Variants in UBE2D3 observed in about 807,000 individuals in gnomAD.
UBE2D3 encodes ubiquitin conjugating enzyme E2 D3, also known as ubiquitin-conjugating enzyme E2 D3.
UBE2D3 carries 2 observed loss-of-function variants against 22.8 expected under a neutral mutation model. The observed-to-expected ratio is 0.09, with a 90% CI of 0.04 to 0.28. The LOEUF is 0.28. Among genes scored for constraint, UBE2D3 ranks in the 10% least tolerant of loss-of-function variants. The pLI, the probability that UBE2D3 is intolerant of heterozygous loss-of-function variation, is 1.00. For missense variants in UBE2D3, 27 were observed against 182.5 expected, an observed-to-expected ratio of 0.15 and a Z score of 4.91; for synonymous variants, 56 against 60.4, an observed-to-expected ratio of 0.93 and a Z score of 0.34.
chr4:102,801,719 GCCT>G, intron 5 of UBE2D3, 160 bp from the exon 6 acceptor site: 8 of 485,358 alleles, frequency 1.6e-5, no homozygotes, highest in South Asian at 3.1e-5. Context: ...ACAACCCCCT[GCCT>G]CCTCTTTTTA....
At chr4:102,854,421 G>A (rs781309666) in intron 1 of UBE2D3, among the ~76,000 whole-genome samples, 23 of 152,066 alleles carry the variant, frequency 1.5e-4, no homozygotes, top group Non-Finnish European at 3.1e-4. Flanking sequence ...TGAAGTCTCT[G>A]TGATACTGGA....
chr4:102,849,063 A>G (rs947893684), intron 1 of UBE2D3, among the ~76,000 whole-genome samples: 12 of 151,816 alleles, frequency 7.9e-5, no homozygotes, highest in Non-Finnish European at 1.6e-4. Context: ...GAAATAGAGG[A>G]CAGATTAAAA....
chr4:102,851,640 C>A (rs79227630), intron 1 of UBE2D3, among the ~76,000 whole-genome samples: 1 of 150,574 alleles, frequency 6.6e-6, no homozygotes, highest in African/African-American at 2.5e-5. Flanking sequence ...AATATTAGAA[C>A]CCCCATTTTT....
intron 1 of UBE2D3, among the ~76,000 whole-genome samples, chr4:102,863,784 G>A (rs934623637): frequency 5.9e-5 from 9 of 152,166 alleles, no homozygotes; most frequent in African/African-American, 1.7e-4. Context: ...GTGGGTCACC[G>A]TGCCCAGCTG....
At chr4:102,857,023 A>T (rs1732653412) in intron 1 of UBE2D3, among the ~76,000 whole-genome samples, 1 of 152,214 alleles carries the variant, frequency 6.6e-6, no homozygotes, top group African/African-American at 2.4e-5. Flanking sequence ...TATACAGCAC[A>T]GAGTGACCCC....
chr4:102,809,217 T>C (rs1433288308), intron 4 of UBE2D3: 5 of 278,668 alleles, frequency 1.8e-5, no homozygotes, highest in Non-Finnish European at 3.9e-5. Context: ...TGCCTAAATA[T>C]ATTCAAATTT....
chr4:102,854,087 C>T (rs1732515694), intron 1 of UBE2D3, among the ~76,000 whole-genome samples: 1 of 152,054 alleles, frequency 6.6e-6, no homozygotes, highest in African/African-American at 2.4e-5. Flanking sequence ...ATTTATTATT[C>T]TCTGAATTCA....
At chr4:102,844,895 G>T (rs572853649) in intron 1 of UBE2D3, among the ~76,000 whole-genome samples, 1 of 152,032 alleles carries the variant, frequency 6.6e-6, no homozygotes, top group East Asian at 1.9e-4. Flanking sequence ...GGTGGTGGGC[G>T]CCTGTAGTCC....
chr4:102,795,259 TA>T lies in UBE2D3; in HGVS notation c.*2155del, dbSNP rs1023006524. 12 of 152,054 alleles carry T rather than the reference TA, an allele frequency of 7.9e-5. No individual in the cohort carries two copies. Among genetic ancestry groups the T allele is most frequent in the African/African-American group, 2.9e-4 (12 of 41,446 alleles). The allele number at this position is 152,054 out of a possible 1,614,324, so 9.4% of individuals were successfully genotyped here. On this transcript the variant is annotated 3_prime_UTR_variant, in exon 8 of 8. Transcript: ENST00000453744. ...AATACCTAAGGGTTGTCTAAGGCTA[TA>T]AAGGTCAATTTGAAAGCCAGTTAGG...
At chr4:102,825,055 T>G (rs1730238519) in intron 2 of UBE2D3, among the ~76,000 whole-genome samples, 1 of 152,226 alleles carries the variant, frequency 6.6e-6, no homozygotes, top group Admixed American at 6.5e-5. Context: ...CAATACATAC[T>G]AAGAGTGAAG....
At chr4:102,825,128 T>C in intron 2 of UBE2D3, 1 of 500,728 alleles carries the variant, frequency 2.0e-6, no homozygotes, top group Non-Finnish European at 2.6e-6. Flanking sequence ...CATAATTAAA[T>C]ACAGGCAAAT....
At chr4:102,821,537 T>C (rs573750361) in intron 2 of UBE2D3, among the ~76,000 whole-genome samples, 12 of 152,252 alleles carry the variant, frequency 7.9e-5, no homozygotes, top group African/African-American at 2.9e-4. Flanking sequence ...CAGAATCACC[T>C]AGAAAATTTT....
intron 2 of UBE2D3, among the ~76,000 whole-genome samples, chr4:102,823,315 T>A (rs1191089732): frequency 6.6e-6 from 1 of 152,182 alleles, no homozygotes; most frequent in East Asian, 1.9e-4. Flanking sequence ...CTTCTTAACC[T>A]CTATGCCTAA....
At chr4:102,853,135 A>ATCTTTTTTTT (rs386626793) in intron 1 of UBE2D3, among the ~76,000 whole-genome samples, 3,637 of 88,418 alleles carry the variant, frequency 0.041, 785 homozygotes, top group African/African-American at 0.074. Flanking sequence ...AAACACACAC[A>ATCTTTTTTTT]TTTTTTTTTT....
chr4:102,848,658 AAAAT>A (rs780710581), intron 1 of UBE2D3, among the ~76,000 whole-genome samples: 48 of 152,122 alleles, frequency 3.2e-4, no homozygotes, highest in Non-Finnish European at 6.0e-4. Context: ...AAATGAATAA[AAAAT>A]AAATAAATAG....
At chr4:102,868,671 AG>A in intron 1 of UBE2D3, 1 of 1,613,786 alleles carries the variant, frequency 6.2e-7, no homozygotes, top group South Asian at 1.1e-5. Flanking sequence ...GTAGGGGAAG[AG>A]GCGGGGCGAG....
At chr4:102,856,201 A>G (rs1316250114) in intron 1 of UBE2D3, among the ~76,000 whole-genome samples, 1 of 152,148 alleles carries the variant, frequency 6.6e-6, no homozygotes, top group Non-Finnish European at 1.5e-5. Flanking sequence ...CTCTGTCTCT[A>G]CTAAAAATAC....
At chr4:102,847,148 C>T (rs1175244773) in intron 1 of UBE2D3, among the ~76,000 whole-genome samples, 1 of 152,104 alleles carries the variant, frequency 6.6e-6, no homozygotes, top group African/African-American at 2.4e-5. Flanking sequence ...CACCAATGTT[C>T]CAGCATTAGA....
chr4:102,858,223 T>C (rs1023998932), intron 1 of UBE2D3, among the ~76,000 whole-genome samples: 1 of 151,912 alleles, frequency 6.6e-6, no homozygotes, highest in Non-Finnish European at 1.5e-5. Flanking sequence ...CACTTGAAAA[T>C]AGTAGTGGCT....
Sources: allele counts gnomAD v4.1 joint callset (sites outside exome capture counted in the v4.1 genomes callset), GRCh38; gene constraint gnomAD v4.1.1; transcripts MANE v1.5; gene names NCBI Gene and HGNC (gene_info 2026-07-23, HGNC 2026-07-21).